CSMD1: variants seen among roughly 807,000 people sequenced by gnomAD.
The protein encoded by CSMD1 is CUB and sushi domain-containing protein 1.
A neutral mutation model predicts 417.5 loss-of-function variants in CSMD1; 213 were observed. That is an observed-to-expected ratio of 0.51 (90% CI 0.46 to 0.57). The LOEUF (loss-of-function observed/expected upper bound fraction) is 0.57. Among genes scored for constraint, CSMD1 ranks in the 20% least tolerant of loss-of-function variants. The pLI, the probability that CSMD1 is intolerant of heterozygous loss-of-function variation, is 0.00. For missense variants in CSMD1, 6,923 were observed against 4,529.7 expected (o/e 1.53, Z -15.17); for synonymous variants, 2,862 against 1,736.8 (o/e 1.65, Z -16.11).
intron 1 of CSMD1, among the ~76,000 whole-genome samples, chr8:4,658,728 C>G (rs565213141): frequency 6.6e-6 from 1 of 152,210 alleles, no homozygotes; most frequent in East Asian, 1.9e-4. Flanking sequence ...TATTCTTATA[C>G]TTTCGGTTTC....
intron 3 of CSMD1, among the ~76,000 whole-genome samples, chr8:4,073,473 T>C (rs565125977): frequency 1.3e-5 from 2 of 152,288 alleles, no homozygotes; most frequent in Non-Finnish European, 1.5e-5. Flanking sequence ...TATTTTCTCC[T>C]CATTTTCTGG....
intron 10 of CSMD1, among the ~76,000 whole-genome samples, chr8:3,546,286 A>G (rs1473675743): frequency 6.6e-6 from 1 of 151,904 alleles, no homozygotes; most frequent in Non-Finnish European, 1.5e-5. Context: ...AAAAAATCCC[A>G]GTACTTTGGG....
chr8:3,434,371 T>C (rs1814415343), intron 12 of CSMD1, among the ~76,000 whole-genome samples: 1 of 152,188 alleles, frequency 6.6e-6, no homozygotes, highest in African/African-American at 2.4e-5. Context: ...ATTTTATGAC[T>C]TTTCCATTTA....
chr8:3,113,936 G>C (rs528989023), intron 42 of CSMD1, among the ~76,000 whole-genome samples: 4 of 152,126 alleles, frequency 2.6e-5, no homozygotes, highest in Non-Finnish European at 4.4e-5. Context: ...AATTAAAACA[G>C]GCTGGCTGTT....
intron 5 of CSMD1, among the ~76,000 whole-genome samples, chr8:3,809,155 C>T (rs1428891285): frequency 8.5e-5 from 13 of 152,154 alleles, no homozygotes; most frequent in East Asian, 3.9e-4. Context: ...CCCCTTCCAG[C>T]CCCCACAGAC....
At chr8:3,379,381 G>A (rs1810497219) in intron 18 of CSMD1, among the ~76,000 whole-genome samples, 1 of 152,090 alleles carries the variant, frequency 6.6e-6, no homozygotes, top group Non-Finnish European at 1.5e-5. Flanking sequence ...TTTCTTCATT[G>A]AATTAGAAAA....
intron 5 of CSMD1, among the ~76,000 whole-genome samples, chr8:3,807,508 C>T (rs763422092): frequency 2.0e-5 from 3 of 152,078 alleles, no homozygotes; most frequent in African/African-American, 7.2e-5. Context: ...TGCAGCATTA[C>T]CAGGGCAGAG....
intron 3 of CSMD1, among the ~76,000 whole-genome samples, chr8:4,068,919 A>C (rs1307259635): frequency 6.6e-6 from 1 of 152,240 alleles, no homozygotes; most frequent in Non-Finnish European, 1.5e-5. Flanking sequence ...AATAATAATT[A>C]TAATTTTGTG....
intron 5 of CSMD1, among the ~76,000 whole-genome samples, chr8:3,764,497 G>A (rs1798165415): frequency 6.6e-6 from 1 of 152,160 alleles, no homozygotes; most frequent in Non-Finnish European, 1.5e-5. Flanking sequence ...TGAGAGCAGA[G>A]TAGCCCTGGG....
chr8:3,415,728 G>T (rs1278410976), intron 12 of CSMD1, among the ~76,000 whole-genome samples: 1 of 152,108 alleles, frequency 6.6e-6, no homozygotes, highest in South Asian at 2.1e-4. Flanking sequence ...ATATATTCTG[G>T]AGAATCTGAT....
intron 3 of CSMD1, among the ~76,000 whole-genome samples, chr8:4,166,284 T>G (rs1033389565): frequency 6.6e-6 from 1 of 152,206 alleles, no homozygotes; most frequent in Admixed American, 6.5e-5. Context: ...AACATAAAAG[T>G]TCTTAATGGA....
chr8:4,033,189 C>T (rs978275545), intron 3 of CSMD1, among the ~76,000 whole-genome samples: 1 of 150,154 alleles, frequency 6.7e-6, no homozygotes, highest in African/African-American at 2.5e-5. Context: ...GCCTGTAGTC[C>T]CAGCACTTTG....
chr8:3,960,469 T>C (rs965897294), intron 5 of CSMD1, among the ~76,000 whole-genome samples: 3 of 152,342 alleles, frequency 2.0e-5, no homozygotes, highest in African/African-American at 7.2e-5. Flanking sequence ...GGGCGAATAT[T>C]ATTTATGCCT....
intron 2 of CSMD1, among the ~76,000 whole-genome samples, chr8:4,593,036 G>A (rs1004296033): frequency 2.6e-5 from 4 of 152,092 alleles, no homozygotes; most frequent in Non-Finnish European, 4.4e-5. Flanking sequence ...CTACATGCTG[G>A]AGGGGTTTGT....
chr8:3,104,950 C>A (rs1431686019), intron 46 of CSMD1, among the ~76,000 whole-genome samples: 3 of 152,200 alleles, frequency 2.0e-5, no homozygotes, highest in Admixed American at 1.3e-4. Context: ...AGGTGATCCA[C>A]CCACCTCGGC....
rs549246419 is a variant in CSMD1, at chr8:4,736,739, G to T, written c.86-99181C>A. Among the ~76,000 whole-genome samples, 7 of 152,294 alleles carry T rather than the reference G, an allele frequency of 4.6e-5. No homozygotes were observed. In the South Asian group the frequency reaches 1.2e-3, roughly 27 times the overall value. On this transcript the variant is annotated intron_variant, in intron 1 of 69. Coordinates refer to ENST00000635120, the MANE Select transcript of CSMD1 (RefSeq NM_033225.6). ...AGTTACTGGGAGAAAATGGTATACT[G>T]CAAACTTTGGAAGCAGGTTTCATGT...
chr8:4,054,899 G>A (rs1010440353), intron 3 of CSMD1, among the ~76,000 whole-genome samples: 1 of 152,122 alleles, frequency 6.6e-6, no homozygotes, highest in Non-Finnish European at 1.5e-5. Flanking sequence ...ACGTCTGCCT[G>A]TGCCCTGAGC....
chr8:3,095,252 C>T (rs757619421), intron 47 of CSMD1, among the ~76,000 whole-genome samples: 11 of 152,118 alleles, frequency 7.2e-5, no homozygotes, highest in Non-Finnish European at 1.3e-4. Context: ...AACACAAACA[C>T]AGACATACAG....
rs548981124 is a variant in CSMD1, at chr8:3,174,413, T to C, written c.5725+6697A>G. Among the ~76,000 whole-genome samples the C allele has an allele frequency of 1.2e-4, 19 of 152,302 alleles. No individual in the cohort carries two copies. In the South Asian group the frequency reaches 3.9e-3, roughly 32 times the overall value. On this transcript the variant is annotated intron_variant, in intron 37 of 69. Transcript: ENST00000635120. ...CAAAGGCTGAGGTGGGAGGATTGCTTGAACCCAAGAGGTTGAGACTGAAGT... is the reference window on the plus strand; with the variant it reads ...CAAAGGCTGAGGTGGGAGGATTGCTCGAACCCAAGAGGTTGAGACTGAAGT...
Sources: allele counts gnomAD v4.1 joint callset (sites outside exome capture counted in the v4.1 genomes callset), GRCh38; gene constraint gnomAD v4.1.1; transcripts MANE v1.5; gene names NCBI Gene and HGNC (gene_info 2026-07-23, HGNC 2026-07-21).